The following LRRK2 variants were observed in gnomAD, a reference collection of about 807,000 sequenced individuals.
The protein encoded by LRRK2 is leucine-rich repeat serine/threonine-protein kinase 2.
Under a neutral mutation model 302.6 loss-of-function variants are expected in LRRK2, and 203 were observed. That is an observed-to-expected ratio of 0.67 (90% CI 0.60 to 0.75). LRRK2 has a LOEUF of 0.75. Among genes scored for constraint, LRRK2 ranks in the 30% least tolerant of loss-of-function variants. The pLI, the probability that LRRK2 is intolerant of heterozygous loss-of-function variation, is 0.00. For synonymous variants in LRRK2, 1,066 were observed against 1,031.9 expected (o/e 1.03, Z -0.63); for missense variants, 2,830 against 2,951.0 (o/e 0.96, Z 0.95).
In LRRK2 at chr12:40,225,058, C is replaced by A. The variant is rs1422910994; in HGVS notation, c.-74C>A. On this transcript the variant is annotated 5_prime_UTR_variant, in exon 1 of 51. Transcript: ENST00000298910. ...TGAGCTCGCCCCCGGGGAGCTGTGGCCGGCGCCCCTGCCGGTTCCCTGAGC... is the reference window on the plus strand; with the variant it reads ...TGAGCTCGCCCCCGGGGAGCTGTGGACGGCGCCCCTGCCGGTTCCCTGAGC... The A allele has an allele frequency of 3.0e-5, 48 of 1,591,632 alleles. No homozygotes were observed. Among genetic ancestry groups the A allele is most frequent in the Non-Finnish European group, 4.0e-5 (47 of 1,166,450 alleles).
chr12:40,295,607 A>G lies in LRRK2; in HGVS notation c.3059A>G (p.Gln1020Arg), dbSNP rs1555184621. ...CATCTTGAAAAGCTGGAGCTTCACC[A>G]GAATGCACTCACGAGCTTTCCACAA... is the stretch of plus-strand genomic sequence containing the variant. ...LEHLEKLELH[Q>R]NALTSFPQQL... The change falls in exon 23 of 51, where the codon CAG becomes CGG. Residue 1020 changes from glutamine (Q) to arginine (R), a missense_variant. Around this residue, in one of 3 missense-constraint regions of LRRK2, gnomAD observed 2,121 missense variants for 2,148.0 expected, o/e 0.99. Transcript: ENST00000298910. 6.2e-7 allele frequency: 1 copy of G among 1,614,068 alleles called. No homozygotes were observed. Among genetic ancestry groups the G allele is most frequent in the Non-Finnish European group, 8.5e-7 (1 of 1,179,960 alleles).
intron 31 of LRRK2, among the ~76,000 whole-genome samples, chr12:40,311,061 T>A (rs528906021): frequency 6.6e-6 from 1 of 152,246 alleles, no homozygotes; most frequent in Admixed American, 6.6e-5. Context: ...TTTCCTCTTT[T>A]CTTTTGGAAT....
chr12:40,255,472 CT>C (rs1177532667), intron 11 of LRRK2, among the ~76,000 whole-genome samples: 4 of 152,276 alleles, frequency 2.6e-5, no homozygotes, highest in Non-Finnish European at 5.9e-5. Context: ...TCTAACGTGA[CT>C]TTATGATGAA....
chr12:40,249,839 T>C lies in LRRK2; in HGVS notation c.852T>C (p.Asn284=). Residue 284 remains asparagine, a synonymous_variant, in exon 8 of 51, where the codon AAT becomes AAC. Coordinates refer to ENST00000298910, the MANE Select transcript of LRRK2 (RefSeq NM_198578.4). The part of the protein sequence containing the change: ...LHRLTLGNFF[N]ILVLNEVHEF... ...CTTAACTTTTAGGTAATTTTTTCAATATCCTGGTATTAAACGAAGTCCATG... is the reference window on the plus strand; with the variant it reads ...CTTAACTTTTAGGTAATTTTTTCAACATCCTGGTATTAAACGAAGTCCATG... 1.9e-6 allele frequency: 3 copies of C among 1,613,744 alleles called. No individual in the cohort carries two copies. The highest frequency in any genetic ancestry group is 2.5e-6 in the Non-Finnish European group (3 of 1,179,736).
intron 41 of LRRK2, among the ~76,000 whole-genome samples, chr12:40,341,060 AT>A: frequency 6.6e-6 from 1 of 152,306 alleles, no homozygotes; most frequent in Admixed American, 6.5e-5. Context: ...ACCCTGTGGA[AT>A]CTTACCTCCC....
intron 23 of LRRK2, among the ~76,000 whole-genome samples, chr12:40,296,320 A>G (rs1429051715): frequency 6.6e-6 from 1 of 152,198 alleles, no homozygotes; most frequent in Non-Finnish European, 1.5e-5. Flanking sequence ...AATTATTTTA[A>G]TGCAAATGTT....
At position 40,368,899 on chromosome 12, in the gene LRRK2, G is replaced by C. The variant is rs1946957116; in HGVS notation, c.*1134G>C. On this transcript the variant is annotated 3_prime_UTR_variant, in exon 51 of 51. Transcript: ENST00000298910. ...GGGCCAAATACCTATGTAATAATTT[G>C]AGGTCATTTCTGCTTTAGGAAAAGT... 1 of 151,794 alleles carries C rather than the reference G, an allele frequency of 6.6e-6. No individual in the cohort carries two copies. The highest frequency in any genetic ancestry group is 1.5e-5 in the Non-Finnish European group (1 of 67,758). 9.4% of individuals were successfully genotyped at this position (151,794 alleles called of 1,614,324 possible).
At chr12:40,313,612 C>G (rs565389628) in intron 31 of LRRK2, among the ~76,000 whole-genome samples, 26 of 151,990 alleles carry the variant, frequency 1.7e-4, no homozygotes, top group South Asian at 4.1e-4. Context: ...ATATCTTATA[C>G]TAGCGTGTCT....
At chr12:40,264,576 A>G (rs560508158) in intron 14 of LRRK2, among the ~76,000 whole-genome samples, 2 of 152,356 alleles carry the variant, frequency 1.3e-5, no homozygotes, top group Non-Finnish European at 2.9e-5. Context: ...CTGAGATCAC[A>G]CCACTGCACT....
chr12:40,340,420 T>C lies in LRRK2; in HGVS notation c.6075T>C (p.Cys2025=). 6.2e-7 allele frequency: 1 copy of C among 1,613,824 alleles called. No homozygotes were observed. Among genetic ancestry groups the C allele is most frequent in the Non-Finnish European group, 8.5e-7 (1 of 1,179,832 alleles). Residue 2025 remains cysteine, a synonymous_variant, in exon 41 of 51, where the codon TGT becomes TGC. Transcript: ENST00000298910. ...IADYGIAQYC[C]RMGIKTSEGT... ...ACTACGGCATTGCTCAGTACTGCTG[T>C]AGAATGGGGATAAAAACATCAGAGG...
At chr12:40,328,482 T>G in intron 39 of LRRK2, 22 bp downstream of exon 39, 1 of 1,507,146 alleles carries the variant, frequency 6.6e-7, no homozygotes, top group South Asian at 1.2e-5. Flanking sequence ...AATAATATAA[T>G]TATATTAAAT....
chr12:40,251,607 A>C (rs1402982116), intron 10 of LRRK2, 63 bp downstream of exon 10: 2 of 1,330,250 alleles, frequency 1.5e-6, no homozygotes, highest in Non-Finnish European at 2.1e-6. Context: ...ATACCTATAA[A>C]ATACCTTAAC....
intron 2 of LRRK2, 56 bp from the exon 3 acceptor site, chr12:40,232,218 G>A (rs1941234607): frequency 1.0e-5 from 12 of 1,205,064 alleles, no homozygotes; most frequent in Admixed American, 1.7e-5. Flanking sequence ...GTTTGACTGA[G>A]TATGCTCTAT....
intron 41 of LRRK2, among the ~76,000 whole-genome samples, chr12:40,344,658 T>C (rs926936746): frequency 1.3e-5 from 2 of 152,204 alleles, no homozygotes; most frequent in Non-Finnish European, 1.5e-5. Flanking sequence ...TTAGGAGCTA[T>C]TGTGATTTGT....
intron 2 of LRRK2, among the ~76,000 whole-genome samples, chr12:40,227,018 G>T (rs895945090): frequency 2.6e-5 from 4 of 152,130 alleles, no homozygotes; most frequent in African/African-American, 9.7e-5. Context: ...ACCCAGGGGA[G>T]CCTGGAACAT....
chr12:40,274,717 A>G lies in LRRK2; in HGVS notation c.1791A>G (p.Pro597=). Reference sequence around the variant, plus strand: ...TGCTTCACACACTGCAGATGTATCCAGATGACCAAGGTCAGTACAATTTGA... The same window carrying G: ...TGCTTCACACACTGCAGATGTATCCGGATGACCAAGGTCAGTACAATTTGA... ...DSVLHTLQMY[P]DDQEIQCLGL... The change falls in exon 15 of 51, where the codon CCA becomes CCG. Residue 597 remains proline (P), a synonymous_variant. Transcript: ENST00000298910. 2 of 1,614,092 alleles carry G rather than the reference A, an allele frequency of 1.2e-6. No homozygotes were observed. Among genetic ancestry groups the G allele is most frequent in the Non-Finnish European group, 1.7e-6 (2 of 1,179,960 alleles).
chr12:40,299,391 A>G, intron 25 of LRRK2, 134 bp downstream of exon 25: 1 of 1,006,870 alleles, frequency 9.9e-7, no homozygotes, highest in East Asian at 2.4e-5. Flanking sequence ...AAAAAATAAA[A>G]TTAGCAGGTT....
At chr12:40,273,092 T>G (rs1031626524) in intron 14 of LRRK2, among the ~76,000 whole-genome samples, 3 of 152,164 alleles carry the variant, frequency 2.0e-5, no homozygotes, top group Admixed American at 6.6e-5. Flanking sequence ...TAGAATTGTT[T>G]TAGAGATGAG....
chr12:40,226,226 C>T (rs1940874180), intron 2 of LRRK2, among the ~76,000 whole-genome samples: 1 of 152,058 alleles, frequency 6.6e-6, no homozygotes, highest in African/African-American at 2.4e-5. Flanking sequence ...GAAACTTTTA[C>T]AATCTGTACC....
Sources: gnomAD v4.1 joint callset for allele counts (sites outside exome capture counted in the v4.1 genomes callset) on GRCh38, gnomAD v4.1.1 for gene constraint, gnomAD v4.1.1 regional missense constraint, MANE v1.5 for transcripts, NCBI Gene and HGNC (gene_info 2026-07-23, HGNC 2026-07-21) for gene names.